The following STIM1 variants were observed in gnomAD, a reference collection of about 807,000 sequenced individuals.
STIM1 encodes the protein stromal interaction molecule 1.
Under a neutral mutation model 74.7 loss-of-function variants are expected in STIM1, and 25 were observed. The ratio of observed to expected loss-of-function variants is 0.33; its 90% CI spans 0.24 to 0.47. STIM1 has a LOEUF of 0.47. Ranked by LOEUF, STIM1 falls within the 20% of genes least tolerant of loss-of-function variation. The pLI, the probability that STIM1 is intolerant of heterozygous loss-of-function variation, is 1.00. For missense variants in STIM1, 728 were observed against 920.8 expected (o/e 0.79, Z 2.71); for synonymous variants, 328 against 348.8 (o/e 0.94, Z 0.66).
At chr11:3,949,787 GCT>G (rs1363622042) in intron 1 of STIM1, among the ~76,000 whole-genome samples, 1 of 152,170 alleles carries the variant, frequency 6.6e-6, no homozygotes, top group African/African-American at 2.4e-5. Context: ...TTTTGGACAA[GCT>G]GTAGTATATC....
intron 2 of STIM1, among the ~76,000 whole-genome samples, chr11:4,023,357 A>C (rs568758743): frequency 1.3e-5 from 2 of 152,200 alleles, no homozygotes; most frequent in Non-Finnish European, 2.9e-5. Flanking sequence ...ACAAACAAAC[A>C]AACAACCATC....
chr11:4,001,245 G>C (rs1011267370), intron 2 of STIM1, among the ~76,000 whole-genome samples: 1 of 151,562 alleles, frequency 6.6e-6, no homozygotes, highest in Non-Finnish European at 1.5e-5. Context: ...ACGCCACAAA[G>C]ATACTCCTCG....
chr11:3,955,659 G>A (rs1020697020), intron 1 of STIM1, among the ~76,000 whole-genome samples: 24 of 152,040 alleles, frequency 1.6e-4, no homozygotes, highest in Non-Finnish European at 2.2e-4. Context: ...TACTGTAAGT[G>A]TCTCTATTAA....
chr11:3,882,399 A>G (rs1363450329), intron 1 of STIM1, among the ~76,000 whole-genome samples: 2 of 151,560 alleles, frequency 1.3e-5, no homozygotes, highest in African/African-American at 4.8e-5. Context: ...ATGCCTGGCC[A>G]CTCCATTCCT....
chr11:4,083,270 C>T lies in STIM1; in HGVS notation c.1246C>T (p.Leu416=), dbSNP rs1198313077. Residue 416 remains leucine, a synonymous_variant, in exon 10 of 13, where the codon CTG becomes TTG. Coordinates refer to ENST00000526596, the MANE Select transcript of STIM1 (RefSeq NM_001382567.1). ...DHKILTAKQA[L]SEVTAALRER... ...TCTTTCCTCTGTCTTCAGGCAAGCA[C>T]TGAGCGAGGTGACAGCAGCATTGCG... is the stretch of plus-strand genomic sequence containing the variant. 6.2e-7 allele frequency: 1 copy of T among 1,614,186 alleles called. No homozygotes were observed. Among genetic ancestry groups the T allele is most frequent in the Non-Finnish European group, 8.5e-7 (1 of 1,180,030 alleles).
chr11:3,897,832 A>G (rs2092233452), intron 1 of STIM1, among the ~76,000 whole-genome samples: 1 of 152,136 alleles, frequency 6.6e-6, no homozygotes, highest in Admixed American at 6.6e-5. Flanking sequence ...TGTCCCTACA[A>G]AGGACACGAA....
intron 7 of STIM1, among the ~76,000 whole-genome samples, chr11:4,079,628 C>G (rs2094454997): frequency 2.0e-5 from 3 of 151,936 alleles, no homozygotes; most frequent in Admixed American, 6.6e-5. Flanking sequence ...GTTAACACAA[C>G]ATATTTTCTA....
chr11:4,065,451 G>C (rs748565295), intron 5 of STIM1, among the ~76,000 whole-genome samples: 1 of 151,370 alleles, frequency 6.6e-6, no homozygotes, highest in African/African-American at 2.4e-5. Flanking sequence ...TCTCCTGTAG[G>C]AACCCACAGC....
intron 1 of STIM1, among the ~76,000 whole-genome samples, chr11:3,919,203 A>G (rs184105922): frequency 6.6e-6 from 1 of 152,236 alleles, no homozygotes; most frequent in East Asian, 1.9e-4. Flanking sequence ...CTTAGCCCCA[A>G]CACCAAACTG....
chr11:4,013,542 A>T (rs11493482), intron 2 of STIM1, among the ~76,000 whole-genome samples: 1 of 151,014 alleles, frequency 6.6e-6, no homozygotes, highest in Non-Finnish European at 1.5e-5. Flanking sequence ...CTCTTTGTGT[A>T]GAGGTGTTTA....
intron 1 of STIM1, among the ~76,000 whole-genome samples, chr11:3,896,225 C>T (rs1436645901): frequency 6.6e-6 from 1 of 151,816 alleles, no homozygotes; most frequent in Admixed American, 6.6e-5. Context: ...CTCTCTCTAC[C>T]ATTATATGTG....
intron 8 of STIM1, among the ~76,000 whole-genome samples, chr11:4,082,657 G>A (rs918185870): frequency 6.6e-6 from 1 of 152,154 alleles, no homozygotes; most frequent in African/African-American, 2.4e-5. Context: ...TGGGGCAAAA[G>A]GGCTATCAAG....
intron 1 of STIM1, among the ~76,000 whole-genome samples, chr11:3,959,574 ACAACT>A (rs1488531225): frequency 6.6e-6 from 1 of 152,194 alleles, no homozygotes; most frequent in African/African-American, 2.4e-5. Context: ...TGGTATGTGA[ACAACT>A]CATAACATGA....
intron 5 of STIM1, among the ~76,000 whole-genome samples, chr11:4,063,870 T>C (rs2094348479): frequency 6.6e-6 from 1 of 152,182 alleles, no homozygotes; most frequent in African/African-American, 2.4e-5. Flanking sequence ...TGTGACATTT[T>C]ATGATTTTTG....
rs148390555 is a variant in STIM1, at chr11:3,870,614, G to A, written c.139+14205G>A. The stretch of plus-strand genomic sequence containing the variant: ...CAGGCTCAGGCGATCCTCCCATCTC[G>A]GCCCAACAAGTAGCTGGTACTACAG... On this transcript the variant is annotated intron_variant, in intron 1 of 12. Coordinates refer to ENST00000526596, the MANE Select transcript of STIM1 (RefSeq NM_001382567.1). Among the ~76,000 whole-genome samples the A allele has an allele frequency of 1.6e-3, 249 of 151,758 alleles. 2 individuals carry two copies. The highest frequency in any genetic ancestry group is 5.7e-3 in the African/African-American group (236 of 41,350).
In STIM1 at chr11:4,092,657, T is replaced by G. The variant is rs201375673; in HGVS notation, c.*859T>G. 3 of 152,082 alleles carry G rather than the reference T, an allele frequency of 2.0e-5. No individual in the cohort carries two copies. The highest frequency in any genetic ancestry group is 4.4e-5 in the Non-Finnish European group (3 of 68,034). 9.4% of individuals were successfully genotyped at this position (152,082 alleles called of 1,614,324 possible). A position where few individuals can be genotyped will look rare whatever the true frequency, so the allele number is the denominator to read the frequency against. ...CAATACTCCTAGGGCTCAGGACAAGTGGCTCCCCTGGCCAGGAGAGCCACA... is the reference window on the plus strand; with the variant it reads ...CAATACTCCTAGGGCTCAGGACAAGGGGCTCCCCTGGCCAGGAGAGCCACA... On this transcript the variant is annotated 3_prime_UTR_variant, in exon 13 of 13. Coordinates refer to ENST00000526596, the MANE Select transcript of STIM1 (RefSeq NM_001382567.1).
At chr11:4,010,847 C>A (rs2093828890) in intron 2 of STIM1, among the ~76,000 whole-genome samples, 1 of 152,226 alleles carries the variant, frequency 6.6e-6, no homozygotes, top group Admixed American at 6.5e-5. Context: ...TTAGGTATTT[C>A]TTCTAATGCT....
At chr11:3,997,129 T>C (rs2093670265) in intron 2 of STIM1, among the ~76,000 whole-genome samples, 2 of 152,374 alleles carry the variant, frequency 1.3e-5, no homozygotes, top group South Asian at 4.1e-4. Context: ...AAACTTTTAA[T>C]GCTGCCTCTA....
chr11:4,070,355 T>C, intron 6 of STIM1, 152 bp downstream of exon 6: 1 of 867,876 alleles, frequency 1.2e-6, no homozygotes, highest in South Asian at 1.4e-5. Context: ...CAAGTTTAGG[T>C]TGCTGATATT....
Sources: allele counts gnomAD v4.1 joint callset (sites outside exome capture counted in the v4.1 genomes callset), GRCh38; gene constraint gnomAD v4.1.1; transcripts MANE v1.5; gene names NCBI Gene and HGNC (gene_info 2026-07-23, HGNC 2026-07-21).